CNTNAP4: variants seen among roughly 807,000 people sequenced by gnomAD.
CNTNAP4 encodes contactin associated protein family member 4, also known as contactin-associated protein-like 4.
A neutral mutation model predicts 148.4 loss-of-function variants in CNTNAP4; 98 were observed. That is an observed-to-expected ratio of 0.66 (90% CI 0.56 to 0.78). CNTNAP4 has a LOEUF of 0.78. Ranked by LOEUF, CNTNAP4 falls within the 30% of genes least tolerant of loss-of-function variation. The pLI is 0.00. For synonymous variants in CNTNAP4, 730 were observed against 565.1 expected, an observed-to-expected ratio of 1.29 and a Z score of -4.14; for missense variants, 1,935 against 1,565.6, an observed-to-expected ratio of 1.24 and a Z score of -3.98.
At chr16:76,552,174 A>G (rs1055205102) in intron 21 of CNTNAP4, among the ~76,000 whole-genome samples, 1 of 152,138 alleles carries the variant, frequency 6.6e-6, no homozygotes. Context: ...AAACACTTAT[A>G]AAACTATCAC....
In CNTNAP4 at chr16:76,357,333, A is replaced by G. The variant is rs142459583; in HGVS notation, c.390+1822A>G. ...AATGTATTTTTTTAAAAAGTGATCA[A>G]TCAGGAAAATTGTTGTACTTCTGTT... is the stretch of plus-strand genomic sequence containing the variant. On this transcript the variant is annotated intron_variant, in intron 3 of 23. Coordinates refer to ENST00000611870, the MANE Select transcript of CNTNAP4 (RefSeq NM_033401.5). Among the ~76,000 whole-genome samples, 217 of 152,328 alleles carry G rather than the reference A, an allele frequency of 1.4e-3. 1 individual carries two copies. The highest frequency in any genetic ancestry group is 4.9e-3 in the African/African-American group (203 of 41,584).
chr16:76,501,309 G>A (rs2082632807), intron 15 of CNTNAP4, among the ~76,000 whole-genome samples: 1 of 152,200 alleles, frequency 6.6e-6, no homozygotes, highest in East Asian at 1.9e-4. Context: ...TACATCACGT[G>A]TACCTTTCAC....
intron 2 of CNTNAP4, among the ~76,000 whole-genome samples, chr16:76,322,461 G>A (rs944311980): frequency 6.6e-6 from 1 of 152,148 alleles, no homozygotes; most frequent in Admixed American, 6.5e-5. Context: ...TAGTTGAAGA[G>A]CGACTTCTTT....
At chr16:76,355,639 A>G in intron 3 of CNTNAP4, 128 bp downstream of exon 3, 3 of 602,014 alleles carry the variant, frequency 5.0e-6, no homozygotes, top group Non-Finnish European at 5.2e-6. Flanking sequence ...ACATTTTCCA[A>G]GAGAAAATAT....
intron 3 of CNTNAP4, among the ~76,000 whole-genome samples, chr16:76,392,525 G>T (rs577276358): frequency 7.2e-5 from 11 of 152,110 alleles, no homozygotes; most frequent in Non-Finnish European, 1.5e-4. Context: ...AGAAGACAAT[G>T]TAAGACTACT....
intron 16 of CNTNAP4, 64 bp from the exon 17 acceptor site, chr16:76,521,975 A>T: frequency 7.1e-7 from 1 of 1,417,496 alleles, no homozygotes; most frequent in Non-Finnish European, 1.0e-6. Context: ...TCCTAAGTAT[A>T]TTGGAGACTC....
chr16:76,475,891 AG>A (rs745528672), intron 10 of CNTNAP4, 47 bp from the exon 11 acceptor site: 2 of 1,328,180 alleles, frequency 1.5e-6, no homozygotes, highest in South Asian at 2.4e-5. Flanking sequence ...CAATACTTTA[AG>A]ATATCTAAAA....
At position 76,540,729 on chromosome 16, in the gene CNTNAP4, T is replaced by C. The variant is rs779555539; in HGVS notation, c.3381T>C (p.Val1127=). 15 of 1,575,082 alleles carry C rather than the reference T, an allele frequency of 9.5e-6. No homozygotes were observed. The highest frequency in any genetic ancestry group is 1.3e-5 in the Non-Finnish European group (15 of 1,158,312). Residue 1127 remains valine, a synonymous_variant, in exon 21 of 24, where the codon GTT becomes GTC. Coordinates refer to ENST00000611870, the MANE Select transcript of CNTNAP4 (RefSeq NM_033401.5). ...TTGACGATAATAGAAGGAGACAAGT[T>C]CACCTGTCATCAGGCACAGAATTCA... ...IEIDDNRRRQ[V]HLSSGTEFSA... is the part of the protein sequence containing the mutation.
chr16:76,344,526 A>G (rs1357855703), intron 2 of CNTNAP4, among the ~76,000 whole-genome samples: 1 of 149,502 alleles, frequency 6.7e-6, no homozygotes, highest in Admixed American at 7.0e-5. Flanking sequence ...ACTACGGTGT[A>G]TTAATCATTC....
intron 15 of CNTNAP4, among the ~76,000 whole-genome samples, chr16:76,500,822 A>G (rs1326426361): frequency 6.6e-6 from 1 of 151,976 alleles, no homozygotes; most frequent in Non-Finnish European, 1.5e-5. Context: ...GAGCATATGT[A>G]TTCATTTATA....
At chr16:76,527,279 G>A (rs193109821) in intron 17 of CNTNAP4, among the ~76,000 whole-genome samples, 3 of 152,076 alleles carry the variant, frequency 2.0e-5, no homozygotes, top group East Asian at 1.9e-4. Context: ...CCATTCCCTC[G>A]CATATTAATA....
intron 3 of CNTNAP4, among the ~76,000 whole-genome samples, chr16:76,364,184 C>G (rs2013805543): frequency 1.7e-5 from 2 of 119,266 alleles, no homozygotes; most frequent in African/African-American, 3.2e-5. Flanking sequence ...TTGCGGTGAG[C>G]TGATATGCCA....
intron 2 of CNTNAP4, among the ~76,000 whole-genome samples, chr16:76,341,521 A>G (rs1036554164): frequency 6.6e-6 from 1 of 152,238 alleles, no homozygotes; most frequent in African/African-American, 2.4e-5. Context: ...GGGAGTAATT[A>G]GAAATGATTT....
At chr16:76,365,751 C>CAAAAA (rs35586454) in intron 3 of CNTNAP4, among the ~76,000 whole-genome samples, 4,980 of 99,012 alleles carry the variant, frequency 0.05, 227 homozygotes, top group Non-Finnish European at 0.071. Context: ...GACTCCGTCT[C>CAAAAA]AAAAAAAAAA....
intron 20 of CNTNAP4, among the ~76,000 whole-genome samples, chr16:76,540,492 T>G (rs964508529): frequency 1.3e-5 from 2 of 151,502 alleles, no homozygotes; most frequent in African/African-American, 2.4e-5. Flanking sequence ...GAAATAATAC[T>G]AATATTGTAT....
At chr16:76,532,552 A>C (rs1200949190) in intron 17 of CNTNAP4, among the ~76,000 whole-genome samples, 3 of 152,336 alleles carry the variant, frequency 2.0e-5, no homozygotes, top group East Asian at 1.9e-4. Flanking sequence ...TCAGAGCAGC[A>C]AATGTATAAC....
chr16:76,335,781 C>G (rs1963969620), intron 2 of CNTNAP4, among the ~76,000 whole-genome samples: 1 of 152,268 alleles, frequency 6.6e-6, no homozygotes, highest in African/African-American at 2.4e-5. Context: ...GTGAGGAGAA[C>G]TAAAAGCTGC....
At chr16:76,372,616 C>G (rs1248213969) in intron 3 of CNTNAP4, among the ~76,000 whole-genome samples, 1 of 152,138 alleles carries the variant, frequency 6.6e-6, no homozygotes, top group African/African-American at 2.4e-5. Context: ...TTTCCCCTTT[C>G]GCTTGGCTCT....
chr16:76,378,391 G>T (rs939691489), intron 3 of CNTNAP4, among the ~76,000 whole-genome samples: 3 of 152,206 alleles, frequency 2.0e-5, no homozygotes, highest in Non-Finnish European at 4.4e-5. Flanking sequence ...CTTTGTAGTA[G>T]CCTTTGTAGT....
Sources: gnomAD v4.1 joint callset for allele counts (sites outside exome capture counted in the v4.1 genomes callset) on GRCh38, gnomAD v4.1.1 for gene constraint, MANE v1.5 for transcripts, NCBI Gene and HGNC (gene_info 2026-07-23, HGNC 2026-07-21) for gene names.